The following YAE1 variants were observed in gnomAD, a reference collection of about 807,000 sequenced individuals.
YAE1 encodes the protein YAE1 maturation factor of ABCE1.
Under a neutral mutation model 23.0 loss-of-function variants are expected in YAE1, and 22 were observed. The observed-to-expected ratio is 0.96, with a 90% confidence interval of 0.68 to 1.37. The LOEUF (loss-of-function observed/expected upper bound fraction) is 1.37. Ranked by LOEUF, YAE1 falls within the 40% of genes most tolerant of loss-of-function variation. The pLI, the probability that YAE1 is intolerant of heterozygous loss-of-function variation, is 0.00. For missense variants in YAE1, 260 were observed against 262.1 expected (o/e 0.99, Z 0.06); for synonymous variants, 101 against 97.0 (o/e 1.04, Z -0.24).
exon 3 of YAE1, chr7:39,609,805 G>T: frequency 6.5e-7 from 1 of 1,531,554 alleles, no homozygotes; most frequent in Non-Finnish European, 8.7e-7. Flanking sequence ...GCCACTCCCC[G>T]CTTCCCCGCC....
intron 2 of YAE1, among the ~76,000 whole-genome samples, chr7:39,587,036 T>TTC (rs1470189064): frequency 6.6e-5 from 10 of 151,752 alleles, no homozygotes; most frequent in South Asian, 2.1e-4. Flanking sequence ...CTCTTTCTCT[T>TTC]TCTTTCTTTT....
At chr7:39,602,027 G>A (rs1284980995) in intron 2 of YAE1, among the ~76,000 whole-genome samples, 1 of 152,188 alleles carries the variant, frequency 6.6e-6, no homozygotes, top group Non-Finnish European at 1.5e-5. Flanking sequence ...TGGATTAAGA[G>A]AGCAGATTAC....
At chr7:39,585,929 C>G (rs1026735324) in intron 2 of YAE1, among the ~76,000 whole-genome samples, 1 of 152,076 alleles carries the variant, frequency 6.6e-6, no homozygotes, top group Non-Finnish European at 1.5e-5. Context: ...ATGGCAAAAC[C>G]TCATCTCTAC....
At chr7:39,603,436 C>T (rs994293589) in intron 2 of YAE1, among the ~76,000 whole-genome samples, 10 of 152,188 alleles carry the variant, frequency 6.6e-5, no homozygotes, top group Non-Finnish European at 1.5e-4. Flanking sequence ...CCGCGCCCGG[C>T]TCATGTGATG....
At chr7:39,608,493 C>T (rs1272502838) in intron 2 of YAE1, among the ~76,000 whole-genome samples, 1 of 152,070 alleles carries the variant, frequency 6.6e-6, no homozygotes, top group African/African-American at 2.4e-5. Flanking sequence ...GGGTAGAAAA[C>T]AAAGAGAGGA....
At chr7:39,575,142 C>T (rs546855138), downstream of YAE1, among the ~76,000 whole-genome samples, 4 of 152,344 alleles carry the variant, frequency 2.6e-5, no homozygotes, top group South Asian at 6.2e-4. Flanking sequence ...CCAGAGCTGG[C>T]ACAGCCAGAG....
intron 1 of YAE1, among the ~76,000 whole-genome samples, chr7:39,568,829 C>G (rs1790516577): frequency 6.6e-6 from 1 of 152,050 alleles, no homozygotes; most frequent in Non-Finnish European, 1.5e-5. Flanking sequence ...TAGAAAACTG[C>G]AACTAATTAA....
At chr7:39,596,374 ATTACAGGCG>A (rs900917503) in intron 2 of YAE1, among the ~76,000 whole-genome samples, 1 of 151,764 alleles carries the variant, frequency 6.6e-6, no homozygotes, top group African/African-American at 2.4e-5. Flanking sequence ...AATAGCTGGG[ATTACAGGCG>A]CCCGTCACCA....
intron 2 of YAE1, among the ~76,000 whole-genome samples, chr7:39,586,954 C>A (rs1243915141): frequency 6.6e-6 from 1 of 152,194 alleles, no homozygotes; most frequent in African/African-American, 2.4e-5. Context: ...GGTTTCTCCC[C>A]ACAGCTGCAG....
intron 2 of YAE1, among the ~76,000 whole-genome samples, chr7:39,591,498 TGAAG>T (rs941857070): frequency 6.6e-6 from 1 of 152,196 alleles, no homozygotes; most frequent in African/African-American, 2.4e-5. Context: ...CTTTTGTTCT[TGAAG>T]GATTTTTTAA....
At chr7:39,579,667 C>CAAAA (rs70996816) in intron 2 of YAE1, among the ~76,000 whole-genome samples, 2 of 140,360 alleles carry the variant, frequency 1.4e-5, no homozygotes, top group Non-Finnish European at 1.5e-5. Context: ...GACTCTGTCT[C>CAAAA]AAAAAAAAAA....
chr7:39,566,652 C>T, intron 1 of YAE1, 105 bp downstream of exon 1: 1 of 1,493,056 alleles, frequency 6.7e-7, no homozygotes, highest in Non-Finnish European at 9.0e-7. Context: ...GCGCTGCTCT[C>T]TTTATCCCTA....
intron 2 of YAE1, among the ~76,000 whole-genome samples, chr7:39,571,870 T>C (rs1260342807): frequency 1.3e-5 from 2 of 152,150 alleles, no homozygotes; most frequent in African/African-American, 2.4e-5. Context: ...GAACGATGGT[T>C]TTCAACTTTG....
intron 2 of YAE1, among the ~76,000 whole-genome samples, chr7:39,584,864 C>G (rs34119925): frequency 0.36 from 54,522 of 151,752 alleles, 10,087 homozygotes; most frequent in East Asian, 0.53. Context: ...ACAACAACAA[C>G]AAAAATCATG....
chr7:39,590,542 G>A (rs534386025), intron 2 of YAE1, among the ~76,000 whole-genome samples: 1 of 152,116 alleles, frequency 6.6e-6, no homozygotes, highest in African/African-American at 2.4e-5. Flanking sequence ...TTTTAATTTA[G>A]GGATATTTGC....
chr7:39,582,175 CG>C (rs952859780), intron 2 of YAE1, among the ~76,000 whole-genome samples: 34 of 151,656 alleles, frequency 2.2e-4, no homozygotes, highest in Non-Finnish European at 4.7e-4. Context: ...TATACCATGC[CG>C]GGCTAATTTT....
At chr7:39,581,821 G>A (rs984146775) in intron 2 of YAE1, among the ~76,000 whole-genome samples, 9 of 151,962 alleles carry the variant, frequency 5.9e-5, no homozygotes, top group Non-Finnish European at 1.0e-4. Flanking sequence ...GCAGTGAGCC[G>A]TGATCCTGCC....
exon 3 of YAE1, chr7:39,609,911 G>T: frequency 6.5e-7 from 1 of 1,529,882 alleles, no homozygotes; most frequent in African/African-American, 1.4e-5. Flanking sequence ...CCGCCTGGCC[G>T]CCAGAGGCAC....
intron 2 of YAE1, among the ~76,000 whole-genome samples, chr7:39,602,055 T>C (rs1380121668): frequency 6.6e-6 from 1 of 152,224 alleles, no homozygotes; most frequent in African/African-American, 2.4e-5. Context: ...AAAATTGTGT[T>C]ACCTAGGAGT....
Sources: gnomAD v4.1 joint callset for allele counts (sites outside exome capture counted in the v4.1 genomes callset) on GRCh38, gnomAD v4.1.1 for gene constraint, MANE v1.5 for transcripts, NCBI Gene and HGNC (gene_info 2026-07-23, HGNC 2026-07-21) for gene names.